Variants in WWOX observed in about 807,000 individuals in gnomAD.
WWOX encodes the protein WW domain-containing oxidoreductase.
WWOX carries 69 observed loss-of-function variants against 46.2 expected under a neutral mutation model. The observed-to-expected ratio is 1.49, with a 90% confidence interval of 1.23 to 1.82. WWOX has a LOEUF of 1.82. Among genes scored for constraint, WWOX ranks in the 40% most tolerant of loss-of-function variants. The probability of loss-of-function intolerance (pLI) is 0.00; values close to 1 mark genes in which losing one functional copy is unlikely to be tolerated. For missense variants in WWOX, 919 were observed against 542.6 expected, an observed-to-expected ratio of 1.69 and a Z score of -6.89; for synonymous variants, 359 against 202.6, an observed-to-expected ratio of 1.77 and a Z score of -6.56.
intron 8 of WWOX, among the ~76,000 whole-genome samples, chr16:79,069,949 T>C (rs1202489310): frequency 1.3e-5 from 2 of 152,240 alleles, no homozygotes; most frequent in African/African-American, 4.8e-5. Flanking sequence ...GTGTCACATA[T>C]TTAAGGATGT....
chr16:78,310,049 TCCTCCTTCCC>T lies in WWOX; in HGVS notation c.517-76796_517-76787del, dbSNP rs531220315. Reference sequence around the variant, plus strand: ...AATTATTGTCATTATCTTCCCTTCCTCCTCCTTCCCCCTCCTTCCCCCTCTCTTTTTCCTT... The same window carrying T: ...AATTATTGTCATTATCTTCCCTTCCTCCTCCTTCCCCCTCTCTTTTTCCTT... On this transcript the variant is annotated intron_variant, in intron 5 of 8. Coordinates refer to ENST00000566780, the MANE Select transcript of WWOX (RefSeq NM_016373.4). 4.3e-3 allele frequency among the ~76,000 whole-genome samples: 653 copies of T among 152,010 alleles called. 5 individuals are homozygous for T. The highest frequency in any genetic ancestry group is 0.025 in the South Asian group (118 of 4,806).
At chr16:79,175,236 G>A (rs1317673954) in intron 8 of WWOX, among the ~76,000 whole-genome samples, 3 of 152,216 alleles carry the variant, frequency 2.0e-5, no homozygotes, top group Non-Finnish European at 4.4e-5. Flanking sequence ...AATTGCTGAA[G>A]TGCTTCTCAG....
intron 8 of WWOX, among the ~76,000 whole-genome samples, chr16:78,909,977 C>G (rs2045066267): frequency 6.6e-6 from 1 of 151,036 alleles, no homozygotes; most frequent in Admixed American, 6.6e-5. Flanking sequence ...AATGCAATTC[C>G]ACCTATATTT....
intron 8 of WWOX, among the ~76,000 whole-genome samples, chr16:78,654,521 A>G (rs1567467068): frequency 6.6e-6 from 1 of 152,218 alleles, no homozygotes; most frequent in Non-Finnish European, 1.5e-5. Flanking sequence ...AGGTAAAACA[A>G]TAAACTGAGC....
At chr16:79,139,519 G>A (rs1278090411) in intron 8 of WWOX, among the ~76,000 whole-genome samples, 1 of 152,176 alleles carries the variant, frequency 6.6e-6, no homozygotes, top group Non-Finnish European at 1.5e-5. Flanking sequence ...TTTTACTGAT[G>A]TCCAAACACG....
chr16:79,150,623 T>C (rs1295442166), intron 8 of WWOX, among the ~76,000 whole-genome samples: 1 of 152,186 alleles, frequency 6.6e-6, no homozygotes, highest in Non-Finnish European at 1.5e-5. Flanking sequence ...CTGGAGAGAT[T>C]AGATTAGAAA....
chr16:78,739,878 A>T (rs1445625740), intron 8 of WWOX, among the ~76,000 whole-genome samples: 1 of 152,176 alleles, frequency 6.6e-6, no homozygotes, highest in Non-Finnish European at 1.5e-5. Flanking sequence ...AGCAGGAAAT[A>T]TGTTTTTGAA....
At chr16:78,395,482 A>G (rs1013345430) in intron 6 of WWOX, among the ~76,000 whole-genome samples, 3 of 152,186 alleles carry the variant, frequency 2.0e-5, no homozygotes, top group Admixed American at 6.5e-5. Flanking sequence ...ACTGCACTCC[A>G]GCCTGGGCAA....
At chr16:79,138,289 C>A (rs1028233597) in intron 8 of WWOX, among the ~76,000 whole-genome samples, 2 of 152,216 alleles carry the variant, frequency 1.3e-5, no homozygotes, top group African/African-American at 4.8e-5. Flanking sequence ...TGTAATTCGT[C>A]ATGATCCTTT....
intron 8 of WWOX, among the ~76,000 whole-genome samples, chr16:78,695,815 A>C (rs1321855948): frequency 1.3e-5 from 2 of 152,216 alleles, no homozygotes; most frequent in Non-Finnish European, 2.9e-5. Flanking sequence ...CCAATATTTT[A>C]ATGTCCCATG....
chr16:79,066,879 T>G (rs2048451516), intron 8 of WWOX, among the ~76,000 whole-genome samples: 1 of 152,156 alleles, frequency 6.6e-6, no homozygotes. Flanking sequence ...CATTCCAGAC[T>G]ACAGTAGCAG....
intron 8 of WWOX, among the ~76,000 whole-genome samples, chr16:78,658,312 T>C (rs921700087): frequency 2.0e-5 from 3 of 152,198 alleles, no homozygotes; most frequent in Admixed American, 2.0e-4. Context: ...CAAATAATAA[T>C]ATAAACTACT....
In WWOX at chr16:78,555,587, T is replaced by G. The variant is rs532832155; in HGVS notation, c.1056+122835T>G. 1.6e-3 allele frequency among the ~76,000 whole-genome samples: 243 copies of G among 147,542 alleles called. 1 individual carries two copies. The highest frequency in any genetic ancestry group is 5.6e-3 in the African/African-American group (220 of 39,066). On this transcript the variant is annotated intron_variant, in intron 8 of 8. Transcript: ENST00000566780. The stretch of plus-strand genomic sequence containing the variant: ...CATTCCCCACTAAAGGAGTGCCACT[T>G]TTTTTTTTTTTTTTACTACTTGCAT...
Position 79,021,556 on chromosome 16 carries a change from A to G in WWOX, c.1057-190052A>G, listed in dbSNP as rs74036005. On this transcript the variant is annotated intron_variant, in intron 8 of 8. Transcript: ENST00000566780. ...GAACACAGCTCATGGTCGGTCCATT[A>G]ACTACTAATTATCAAAACAGTGGGT... Among the ~76,000 whole-genome samples the G allele has an allele frequency of 1.3e-3, 191 of 152,302 alleles. 4 individuals are homozygous for G. Among genetic ancestry groups the G allele is most frequent in the African/African-American group, 4.4e-3 (182 of 41,572 alleles).
At position 79,212,609 on chromosome 16, in the gene WWOX, T is replaced by TTAAACCTCCTGC. The variant is rs2051808033; in HGVS notation, c.*815_*826dup. The TTAAACCTCCTGC allele has an allele frequency of 6.3e-6, 1 of 157,920 alleles. No homozygotes were observed. The highest frequency in any genetic ancestry group is 1.4e-5 in the Non-Finnish European group (1 of 71,130). 9.8% of individuals were successfully genotyped at this position (157,920 alleles called of 1,614,324 possible). A position where few individuals can be genotyped will look rare whatever the true frequency, so the allele number is the denominator to read the frequency against. ...CAGTTCTCTTGCTTTCACATTGTAC[T>TTAAACCTCCTGC]TAAACCTCCTGCTGTGCCTCGCATC... On this transcript the variant is annotated 3_prime_UTR_variant, in exon 9 of 9. Coordinates refer to ENST00000566780, the MANE Select transcript of WWOX (RefSeq NM_016373.4).
intron 5 of WWOX, among the ~76,000 whole-genome samples, chr16:78,178,482 A>G (rs7195331): frequency 0.021 from 3,247 of 152,154 alleles, 110 homozygotes; most frequent in African/African-American, 0.075. Flanking sequence ...TCTTCCTCTT[A>G]TGGGTAGTGA....
At chr16:79,119,925 C>T (rs1020450626) in intron 8 of WWOX, among the ~76,000 whole-genome samples, 10 of 152,052 alleles carry the variant, frequency 6.6e-5, no homozygotes, top group African/African-American at 2.2e-4. Context: ...GGAGAACTGC[C>T]TTATGTACAG....
At chr16:78,101,345 C>CCTT (rs2031769030) in intron 1 of WWOX, among the ~76,000 whole-genome samples, 1 of 25,114 alleles carries the variant, frequency 4.0e-5, no homozygotes, top group Admixed American at 5.8e-4. Flanking sequence ...CCGCTCCCGG[C>CCTT]CTTTTTTTTT....
At chr16:78,999,418 C>T (rs931823659) in intron 8 of WWOX, among the ~76,000 whole-genome samples, 2 of 152,164 alleles carry the variant, frequency 1.3e-5, no homozygotes, top group East Asian at 1.9e-4. Flanking sequence ...TGCGGTGAGC[C>T]GAGATTGCAC....
Sources: allele counts gnomAD v4.1 joint callset (sites outside exome capture counted in the v4.1 genomes callset), GRCh38; gene constraint gnomAD v4.1.1; transcripts MANE v1.5; gene names NCBI Gene and HGNC (gene_info 2026-07-23, HGNC 2026-07-21).